ADGRG2: variants seen among roughly 807,000 people sequenced by gnomAD.
ADGRG2 encodes G protein-coupled receptor 64.
ADGRG2 carries 26 observed loss-of-function variants against 74.1 expected under a neutral mutation model. That is an observed-to-expected ratio of 0.35 (90% CI 0.26 to 0.49). ADGRG2 has a LOEUF of 0.49. Ranked by LOEUF, ADGRG2 falls within the 20% of genes least tolerant of loss-of-function variation. ADGRG2 has a pLI of 0.99. For synonymous variants in ADGRG2, 296 were observed against 295.2 expected (o/e 1.00, Z -0.03); for missense variants, 619 against 763.1 (o/e 0.81, Z 2.22).
At chrX:19,051,926 C>T (rs1371182115) in intron 3 of ADGRG2, among the ~76,000 whole-genome samples, 1 of 112,273 alleles carries the variant, frequency 8.9e-6, no homozygotes, top group Non-Finnish European at 1.9e-5. Flanking sequence ...TGTGAGCAAA[C>T]TAAATGACAG....
chrX:19,075,617 C>CAAAAAAA (rs61690480), intron 2 of ADGRG2, among the ~76,000 whole-genome samples: 20 of 39,418 alleles, frequency 5.1e-4, no homozygotes, highest in South Asian at 1.7e-3. Context: ...GACTTCGCCT[C>CAAAAAAA]AAAAAAAAAA....
chrX:19,099,260 T>G (rs902425866), intron 1 of ADGRG2, among the ~76,000 whole-genome samples: 3 of 112,334 alleles, frequency 2.7e-5, no homozygotes, highest in Admixed American at 9.5e-5. Flanking sequence ...GTCTAGCAAA[T>G]GCTTCCTACA....
chrX:19,093,655 C>T (rs2062047744), intron 1 of ADGRG2, among the ~76,000 whole-genome samples: 1 of 111,361 alleles, frequency 9.0e-6, no homozygotes, highest in Non-Finnish European at 1.9e-5. Context: ...ACTCCTCCTC[C>T]ACCCCAAAAG....
At chrX:19,080,972 T>C (rs1176376615) in intron 2 of ADGRG2, among the ~76,000 whole-genome samples, 6 of 110,394 alleles carry the variant, frequency 5.4e-5, no homozygotes, top group Non-Finnish European at 1.1e-4. Flanking sequence ...ATTGAAGTTC[T>C]ATTACAAGCA....
intron 2 of ADGRG2, among the ~76,000 whole-genome samples, chrX:19,081,937 G>A (rs772082349): frequency 3.6e-4 from 39 of 109,428 alleles, no homozygotes; most frequent in African/African-American, 1.3e-3. Context: ...GCCAGGCATG[G>A]TTGCATGCAC....
intron 1 of ADGRG2, among the ~76,000 whole-genome samples, chrX:19,095,558 A>G (rs967864108): frequency 8.9e-6 from 1 of 112,362 alleles, no homozygotes; most frequent in Non-Finnish European, 1.9e-5. Flanking sequence ...TTCGCTAATC[A>G]GCATATCAAA....
At chrX:19,094,657 G>A (rs1034432329) in intron 1 of ADGRG2, among the ~76,000 whole-genome samples, 1 of 112,498 alleles carries the variant, frequency 8.9e-6, no homozygotes, top group African/African-American at 3.2e-5. Context: ...CTTCCTGTTC[G>A]ACTTTCTTTC....
intron 3 of ADGRG2, among the ~76,000 whole-genome samples, chrX:19,063,188 C>T (rs1031609008): frequency 9.0e-6 from 1 of 111,324 alleles, no homozygotes; most frequent in African/African-American, 3.3e-5. Context: ...GTCATCCCAC[C>T]TCTCCCTGCC....
chrX:18,995,380 A>G (rs1231088464), intron 27 of ADGRG2, among the ~76,000 whole-genome samples: 2 of 111,962 alleles, frequency 1.8e-5, no homozygotes, highest in Admixed American at 1.9e-4. Flanking sequence ...CTGTGTTGTA[A>G]TGACTAATTG....
chrX:19,109,792 C>G (rs766274919), intron 1 of ADGRG2, among the ~76,000 whole-genome samples: 2 of 111,976 alleles, frequency 1.8e-5, no homozygotes, highest in African/African-American at 3.2e-5. Flanking sequence ...AATCTGAGAA[C>G]CAGTCTTGTA....
intron 1 of ADGRG2, among the ~76,000 whole-genome samples, chrX:19,115,660 T>C (rs1174583911): frequency 9.0e-6 from 1 of 111,176 alleles, no homozygotes; most frequent in Non-Finnish European, 1.9e-5. Flanking sequence ...TAGGGATTGA[T>C]TGTAAGTGTG....
chrX:19,019,569 AG>A (rs755584990), intron 15 of ADGRG2, 29 bp downstream of exon 15: 2 of 731,284 alleles, frequency 2.7e-6, no homozygotes, highest in South Asian at 5.1e-5. Context: ...TTTTTTTTTA[AG>A]GAGAAGGGTC....
chrX:18,999,272 T>A lies in ADGRG2; in HGVS notation c.2338A>T (p.Ile780Phe), dbSNP rs774268855. Residue 780 changes from isoleucine to phenylalanine, a missense_variant, in exon 26 of 29, where the codon ATC (isoleucine) becomes TTC (phenylalanine). Physicochemically the swap from Ile to Phe is conservative, Grantham distance 21. Transcript: ENST00000379869. ...PNGSPDDFCW[I>F]NNNAVFYITV... ...ATGTAGAATACTGCATTGTTGTTGA[T>A]CCAGCAGCTGGAGTTTGTGGAGGGG... 1 of 1,188,288 alleles carries A rather than the reference T, an allele frequency of 8.4e-7. No homozygotes were observed. The highest frequency in any genetic ancestry group is 1.1e-6 in the Non-Finnish European group (1 of 881,994).
At chrX:19,031,677 G>C (rs2060828964) in intron 8 of ADGRG2, 1 of 111,865 alleles carries the variant, frequency 8.9e-6, no homozygotes, top group African/African-American at 3.2e-5. Flanking sequence ...GCAAAATGGA[G>C]TGATGACCAG....
chrX:19,098,458 G>A (rs2062134310), intron 1 of ADGRG2, among the ~76,000 whole-genome samples: 1 of 111,147 alleles, frequency 9.0e-6, no homozygotes, highest in Non-Finnish European at 1.9e-5. Flanking sequence ...ATTTTTTACT[G>A]GGTTTTTCTG....
intron 1 of ADGRG2, among the ~76,000 whole-genome samples, chrX:19,117,062 C>T (rs1331960539): frequency 9.0e-6 from 1 of 110,964 alleles, no homozygotes; most frequent in Non-Finnish European, 1.9e-5. Flanking sequence ...GAGACCGAGG[C>T]GGGTGGATCA....
At chrX:19,101,305 G>T (rs969793774) in intron 1 of ADGRG2, among the ~76,000 whole-genome samples, 1 of 111,441 alleles carries the variant, frequency 9.0e-6, no homozygotes. Flanking sequence ...TGCAAAATGT[G>T]AAAGTAAAAA....
In ADGRG2 at chrX:19,024,016, A is replaced by G. The variant is rs966528473; in HGVS notation, c.471-68T>C. The G allele has an allele frequency of 3.9e-6, 3 of 762,983 alleles. No homozygotes were observed. In the Admixed American group the frequency reaches 6.8e-5, roughly 17 times the overall value. The allele number at this position is 762,983 out of a possible 1,213,427, so 62.9% of individuals were successfully genotyped here. A position where few individuals can be genotyped will look rare whatever the true frequency, so the allele number is the denominator to read the frequency against. On this transcript the variant is annotated intron_variant, in intron 11 of 28. Transcript: ENST00000379869. ...TGATATTAAATTGAAAACATGTTAGATTTTAGCAATTAAATCAAGCACATG... is the reference window on the plus strand; with the variant it reads ...TGATATTAAATTGAAAACATGTTAGGTTTTAGCAATTAAATCAAGCACATG...
intron 1 of ADGRG2, among the ~76,000 whole-genome samples, chrX:19,095,618 TA>T (rs2062083441): frequency 8.9e-6 from 1 of 111,889 alleles, no homozygotes; most frequent in Non-Finnish European, 1.9e-5. Context: ...ATTAGAATGA[TA>T]AATAGAATGC....
Sources: gnomAD v4.1 joint callset for allele counts (sites outside exome capture counted in the v4.1 genomes callset) on GRCh38, gnomAD v4.1.1 for gene constraint, MANE v1.5 for transcripts, NCBI Gene and HGNC (gene_info 2026-07-23, HGNC 2026-07-21) for gene names.